Variants in CNOT7 observed in about 807,000 individuals in gnomAD.
CNOT7 encodes the protein BTG1-binding factor 1.
Under a neutral mutation model 37.1 loss-of-function variants are expected in CNOT7, and 4 were observed. The observed-to-expected ratio is 0.11, with a 90% CI of 0.05 to 0.25. CNOT7 has a LOEUF of 0.25. Among genes scored for constraint, CNOT7 ranks in the 10% least tolerant of loss-of-function variants. CNOT7 has a pLI of 1.00. For synonymous variants in CNOT7, 128 were observed against 115.6 expected (o/e 1.11, Z -0.69); for missense variants, 170 against 336.2 (o/e 0.51, Z 3.87).
Position 17,225,084 on chromosome 8 carries a change from G to C in CNOT7, c.*5636C>G, listed in dbSNP as rs944924671. The C allele has an allele frequency of 6.6e-6, 1 of 151,698 alleles. No homozygotes were observed. The highest frequency in any genetic ancestry group is 1.5e-5 in the Non-Finnish European group (1 of 67,676). 9.4% of individuals were successfully genotyped at this position (151,698 alleles called of 1,614,324 possible). A position where few individuals can be genotyped will look rare whatever the true frequency, so the allele number is the denominator to read the frequency against. ...ACAGGTATATGGCATGAGTGAAACA[G>C]TTCCCCATTAAAAGCACTTAAAACC... is the stretch of plus-strand genomic sequence containing the variant. On this transcript the variant is annotated 3_prime_UTR_variant, in exon 7 of 7. Transcript: ENST00000361272.
At chr8:17,235,924 G>A (rs764228132) in intron 4 of CNOT7, among the ~76,000 whole-genome samples, 20 of 152,042 alleles carry the variant, frequency 1.3e-4, no homozygotes, top group Non-Finnish European at 4.4e-5. Flanking sequence ...AGTGCCTAGT[G>A]CACTGTATTT....
chr8:17,228,117 A>AAAT lies in CNOT7; in HGVS notation c.*2600_*2602dup, dbSNP rs1158270758. The AAAT allele has an allele frequency of 1.3e-5, 2 of 151,936 alleles. No individual in the cohort carries two copies. Among genetic ancestry groups the AAAT allele is most frequent in the Non-Finnish European group, 1.5e-5 (1 of 67,836 alleles). 9.4% of individuals were successfully genotyped at this position (151,936 alleles called of 1,614,324 possible). A position where few individuals can be genotyped will look rare whatever the true frequency, so the allele number is the denominator to read the frequency against. Reference sequence around the variant, plus strand: ...TTTCATGTAATTTTCAGATGTCAGGAAATAATCTTTTGATTATTTTTCCCA... The same window carrying AAAT: ...TTTCATGTAATTTTCAGATGTCAGGAAATAATAATCTTTTGATTATTTTTCCCA... On this transcript the variant is annotated 3_prime_UTR_variant, in exon 7 of 7. Transcript: ENST00000361272.
rs575712715 is a variant in CNOT7, at chr8:17,246,826, G to C, written c.-247C>G. On this transcript the variant is annotated 5_prime_UTR_variant, in exon 1 of 7. Transcript: ENST00000361272. ...GAAGGGAAAGGCGAGCAGGAGCTGC[G>C]CCGCACCGTGCTGCGCCGTCGCTTT... The C allele has an allele frequency of 7.9e-6, 2 of 252,838 alleles. No individual in the cohort carries two copies. The highest frequency in any genetic ancestry group is 2.4e-5 in the African/African-American group (1 of 42,174). The allele number at this position is 252,838 out of a possible 1,614,324, so 15.7% of individuals were successfully genotyped here. A position where few individuals can be genotyped will look rare whatever the true frequency, so the allele number is the denominator to read the frequency against.
Position 17,239,453 on chromosome 8 carries a change from C to G in CNOT7, c.312-2080G>C, listed in dbSNP as rs76888043. Among the ~76,000 whole-genome samples the G allele has an allele frequency of 1.8e-3, 272 of 152,298 alleles. 2 individuals carry two copies. The highest frequency in any genetic ancestry group is 5.9e-3 in the African/African-American group (245 of 41,562). On this transcript the variant is annotated intron_variant, in intron 3 of 6. Coordinates refer to ENST00000361272, the MANE Select transcript of CNOT7 (RefSeq NM_013354.7). ...TTCTGTTACCACCAAACCCAAGGTG[C>G]CCTGTAATTTCTACTATCCTATTGA...
rs1808314806 is a variant in CNOT7 at position 17,228,621 on chromosome 8, A to G, written c.*2099T>C. On this transcript the variant is annotated 3_prime_UTR_variant, in exon 7 of 7. Coordinates refer to ENST00000361272, the MANE Select transcript of CNOT7 (RefSeq NM_013354.7). Reference sequence around the variant, plus strand: ...GCGCTCCTAAACTTTTGATGGGGTTACCTCTCAATACACCCACTGTAAAGT... The same window carrying G: ...GCGCTCCTAAACTTTTGATGGGGTTGCCTCTCAATACACCCACTGTAAAGT... The G allele has an allele frequency of 6.6e-6, 1 of 151,934 alleles. No homozygotes were observed. The highest frequency in any genetic ancestry group is 1.5e-5 in the Non-Finnish European group (1 of 67,852). The allele number at this position is 151,934 out of a possible 1,614,324, so 9.4% of individuals were successfully genotyped here. A position where few individuals can be genotyped will look rare whatever the true frequency, so the allele number is the denominator to read the frequency against.
chr8:17,231,596 A>C, intron 6 of CNOT7: 2 of 985,208 alleles, frequency 2.0e-6, no homozygotes, highest in Non-Finnish European at 2.4e-6. Context: ...TTTAATGTCT[A>C]AGAGAAAATA....
chr8:17,237,596 G>T, intron 3 of CNOT7: 1 of 469,214 alleles, frequency 2.1e-6, no homozygotes, highest in Non-Finnish European at 3.8e-6. Flanking sequence ...AGAGTCCAAA[G>T]GTGCAATTTT....
At position 17,232,529 on chromosome 8, in the gene CNOT7, T is replaced by C; in HGVS notation, c.627A>G (p.Leu209=). The change falls in exon 6 of 7, where the codon TTA becomes TTG. Residue 209 remains leucine, a synonymous_variant. Coordinates refer to ENST00000361272, the MANE Select transcript of CNOT7 (RefSeq NM_013354.7). ...MKSCKNLKGG[L]QEVAEQLELE... is the part of the protein sequence containing the mutation. Reference sequence around the variant, plus strand: ...GCTCTAACTGTTCTGCCACCTCCTGTAATCCACCCTAGAAAAAATAAAAAA... The same window carrying C: ...GCTCTAACTGTTCTGCCACCTCCTGCAATCCACCCTAGAAAAAATAAAAAA... 1.9e-6 allele frequency: 3 copies of C among 1,612,180 alleles called. No individual in the cohort carries two copies. The highest frequency in any genetic ancestry group is 2.5e-6 in the Non-Finnish European group (3 of 1,179,548).
At position 17,230,149 on chromosome 8, in the gene CNOT7, A is replaced by G. The variant is rs912399389; in HGVS notation, c.*571T>C. On this transcript the variant is annotated 3_prime_UTR_variant, in exon 7 of 7. Coordinates refer to ENST00000361272, the MANE Select transcript of CNOT7 (RefSeq NM_013354.7). ...TCTTGTCTTTTTTAAGTTTCGCTGA[A>G]TCGACAGTTTGCACAACGTGCTATA... The G allele has an allele frequency of 5.9e-5, 9 of 152,474 alleles. No homozygotes were observed. The highest frequency in any genetic ancestry group is 1.9e-4 in the African/African-American group (8 of 41,432). The allele number at this position is 152,474 out of a possible 1,614,324, so 9.4% of individuals were successfully genotyped here. A position where few individuals can be genotyped will look rare whatever the true frequency, so the allele number is the denominator to read the frequency against.
chr8:17,245,196 A>G lies in CNOT7; in HGVS notation c.-44T>C, dbSNP rs1810748831. 2 of 1,545,886 alleles carry G rather than the reference A, an allele frequency of 1.3e-6. No homozygotes were observed. The highest frequency in any genetic ancestry group is 1.7e-6 in the Non-Finnish European group (2 of 1,148,310). On this transcript the variant is annotated 5_prime_UTR_variant, in exon 2 of 7. It removes the in-frame stop codon of an upstream open reading frame in the 5' UTR. Coordinates refer to ENST00000361272, the MANE Select transcript of CNOT7 (RefSeq NM_013354.7). ...TCTAGATGCCAAGCATCAAAATGTT[A>G]TACTTGATTGAAGATTTGTTTCATA...
At position 17,237,297 on chromosome 8, in the gene CNOT7, C is replaced by CAA; in HGVS notation, c.387_388insTT (p.Gly130LeufsTer13). 3 of 1,612,814 alleles carry CAA rather than the reference C, an allele frequency of 1.9e-6. No homozygotes were observed. Among genetic ancestry groups the CAA allele is most frequent in the Non-Finnish European group, 2.5e-6 (3 of 1,178,822 alleles). Reference sequence around the variant, plus strand: ...TCTGCAAAGTACTGGGTTTCAATTCCTTCCTCCTCATGTTTTTTAAACTGG... The same window carrying CAA: ...TCTGCAAAGTACTGGGTTTCAATTCCAATTCCTCCTCATGTTTTTTAAACTGG... On this transcript the variant is annotated frameshift_variant, in exon 4 of 7. Coordinates refer to ENST00000361272, the MANE Select transcript of CNOT7 (RefSeq NM_013354.7). LOFTEE classifies it high-confidence loss of function.
intron 3 of CNOT7, chr8:17,241,976 C>G (rs1456515310): frequency 6.6e-6 from 1 of 152,232 alleles, no homozygotes; most frequent in Non-Finnish European, 1.5e-5. Flanking sequence ...CCTATTCTGG[C>G]AGCTCAGGGC....
At chr8:17,231,940 T>C (rs1808688216) in intron 6 of CNOT7, 2 of 987,200 alleles carry the variant, frequency 2.0e-6, no homozygotes, top group Admixed American at 6.1e-5. Flanking sequence ...TGAGTTCTTC[T>C]CTATAAAATC....
At chr8:17,242,946 A>AG (rs1563209399) in intron 3 of CNOT7, 46 bp downstream of exon 3, 7 of 1,251,884 alleles carry the variant, frequency 5.6e-6, no homozygotes, top group East Asian at 2.8e-5. Flanking sequence ...CTAAGATTAA[A>AG]GAAAAAAAAA....
chr8:17,234,577 T>A (rs1191495340), intron 5 of CNOT7, 139 bp downstream of exon 5: 12 of 893,322 alleles, frequency 1.3e-5, no homozygotes, highest in Non-Finnish European at 2.1e-5. Context: ...AGAAAAAAAA[T>A]CACATGACCA....
chr8:17,243,319 T>C, intron 2 of CNOT7, 134 bp from the exon 3 acceptor site: 1 of 703,528 alleles, frequency 1.4e-6, no homozygotes, highest in Non-Finnish European at 2.4e-6. Context: ...CAAAGTATAT[T>C]TTAACTAGAA....
intron 1 of CNOT7, chr8:17,246,112 C>CA (rs1375596134): frequency 1.3e-5 from 2 of 152,250 alleles, no homozygotes; most frequent in African/African-American, 4.8e-5. Context: ...CACACACACA[C>CA]ATAAGCACAA....
At chr8:17,246,041 T>A (rs541334106) in intron 1 of CNOT7, 1 of 151,932 alleles carries the variant, frequency 6.6e-6, no homozygotes, top group African/African-American at 2.4e-5. Flanking sequence ...ATTCTCCAAG[T>A]AGAGAAACTA....
In CNOT7 at chr8:17,231,644, C is replaced by G. The variant is rs951130564; in HGVS notation, c.729+783G>C. 3.0e-6 allele frequency: 3 copies of G among 985,212 alleles called. No homozygotes were observed. The Admixed American group carries it at 1.8e-4, about 61-fold the overall frequency. 61.0% of individuals were successfully genotyped at this position (985,212 alleles called of 1,614,324 possible). ...CAGCGAATTTTTCCAAAAGGGAAAA[C>G]TTATAGTCAAGAAAAACCTCACTTG... is the stretch of plus-strand genomic sequence containing the variant. On this transcript the variant is annotated intron_variant, in intron 6 of 6. Coordinates refer to ENST00000361272, the MANE Select transcript of CNOT7 (RefSeq NM_013354.7).
Sources: gnomAD v4.1 joint callset for allele counts (sites outside exome capture counted in the v4.1 genomes callset) on GRCh38, gnomAD v4.1.1 for gene constraint, MANE v1.5 for transcripts, NCBI Gene and HGNC (gene_info 2026-07-23, HGNC 2026-07-21) for gene names.